PTPRN2: variants seen among roughly 807,000 people sequenced by gnomAD.
The protein encoded by PTPRN2 is protein tyrosine phosphatase receptor type N2, also known as receptor-type tyrosine-protein phosphatase N2.
PTPRN2 carries 74 observed loss-of-function variants against 118.8 expected under a neutral mutation model. That is an observed-to-expected ratio of 0.62 (90% CI 0.52 to 0.76). The LOEUF (loss-of-function observed/expected upper bound fraction) is 0.76, where lower values mean the gene tolerates loss of function less well. Among genes scored for constraint, PTPRN2 ranks in the 30% least tolerant of loss-of-function variants. PTPRN2 has a pLI of 0.00. For synonymous variants in PTPRN2, 641 were observed against 608.0 expected, an observed-to-expected ratio of 1.05 and a Z score of -0.80; for missense variants, 1,481 against 1,394.4, an observed-to-expected ratio of 1.06 and a Z score of -0.99.
intron 13 of PTPRN2, among the ~76,000 whole-genome samples, chr7:157,678,402 A>C (rs555981569): frequency 6.6e-6 from 1 of 152,316 alleles, no homozygotes; most frequent in African/African-American, 2.4e-5. Flanking sequence ...CAATGCCTGA[A>C]GATTAAACTC....
In PTPRN2 at chr7:157,763,086, A is replaced by C; in HGVS notation, c.1789-80149T>G. On this transcript the variant is annotated intron_variant, in intron 12 of 22. Transcript: ENST00000389418. This position sits in a 1 kb window ranked among gnomAD's most constrained non-coding sequence, Gnocchi z 4.9. ...AGCCCACGGCCGCCCACTCATGGTCACAGAGCTAACCATCAGAGCCCACGG... is the reference window on the plus strand; with the variant it reads ...AGCCCACGGCCGCCCACTCATGGTCCCAGAGCTAACCATCAGAGCCCACGG... 7.7e-6 allele frequency among the ~76,000 whole-genome samples: 1 copy of C among 130,372 alleles called. No homozygotes were observed. Among genetic ancestry groups the C allele is most frequent in the Admixed American group, 7.2e-5 (1 of 13,944 alleles). The allele number at this position is 130,372 out of a possible 152,430, so 85.5% of individuals were successfully genotyped here. A position where few individuals can be genotyped will look rare whatever the true frequency, so the allele number is the denominator to read the frequency against.
chr7:157,984,298 G>A (rs1467441954), intron 11 of PTPRN2, among the ~76,000 whole-genome samples: 2 of 64,764 alleles, frequency 3.1e-5, no homozygotes, highest in East Asian at 5.6e-4. Context: ...CCCATCCCAC[G>A]CCAGGCTCCA....
intron 14 of PTPRN2, among the ~76,000 whole-genome samples, chr7:157,648,948 C>T (rs1373736104): frequency 1.5e-5 from 2 of 136,994 alleles, no homozygotes; most frequent in Admixed American, 7.5e-5. Flanking sequence ...TCAGACCCAT[C>T]CAGTGTGCAC....
At chr7:158,036,144 G>A (rs545456476) in intron 11 of PTPRN2, among the ~76,000 whole-genome samples, 3 of 152,172 alleles carry the variant, frequency 2.0e-5, no homozygotes, top group African/African-American at 4.8e-5. Context: ...AATGAATTAG[G>A]GGCATAACAA....
At chr7:158,028,891 G>A (rs986715190) in intron 11 of PTPRN2, 8 of 152,356 alleles carry the variant, frequency 5.3e-5, no homozygotes, top group African/African-American at 9.7e-5. Context: ...CTCTCCTTGC[G>A]GCATTAGGAG....
At chr7:158,125,687 A>G (rs1478238992) in intron 9 of PTPRN2, among the ~76,000 whole-genome samples, 1 of 152,200 alleles carries the variant, frequency 6.6e-6, no homozygotes, top group East Asian at 1.9e-4. Context: ...GTCCGCCCTC[A>G]GGAGGGGCCT....
At chr7:158,073,230 T>C (rs2128923669) in intron 11 of PTPRN2, among the ~76,000 whole-genome samples, 1 of 152,350 alleles carries the variant, frequency 6.6e-6, no homozygotes, top group African/African-American at 2.4e-5. Context: ...GGAACTGATA[T>C]TGGTAGAAGA....
intron 11 of PTPRN2, among the ~76,000 whole-genome samples, chr7:158,040,732 C>A (rs13308843): frequency 0.44 from 62,376 of 141,352 alleles, 14,156 homozygotes; most frequent in Non-Finnish European, 0.51. Flanking sequence ...TTCTTTTTTT[C>A]TTTCTTTTTT....
At chr7:158,002,955 A>T (rs937243298) in intron 11 of PTPRN2, among the ~76,000 whole-genome samples, 12 of 152,124 alleles carry the variant, frequency 7.9e-5, no homozygotes, top group Admixed American at 7.2e-4. Context: ...TTGGCAGCAC[A>T]AGTGGGGGTC....
At chr7:158,154,098 C>A (rs1821473237) in intron 6 of PTPRN2, among the ~76,000 whole-genome samples, 1 of 152,172 alleles carries the variant, frequency 6.6e-6, no homozygotes, top group South Asian at 2.1e-4. Context: ...TGGTCTTGTG[C>A]CAGTGCAGGT....
intron 11 of PTPRN2, among the ~76,000 whole-genome samples, chr7:157,946,601 TCTGTGTAAGGGC>T (rs1257275010): frequency 2.0e-5 from 3 of 152,210 alleles, no homozygotes; most frequent in Non-Finnish European, 4.4e-5. Flanking sequence ...GCCTGGGCCA[TCTGTGTAAGGGC>T]CCTGTGGACT....
At chr7:158,262,198 G>A (rs1337550188) in intron 3 of PTPRN2, among the ~76,000 whole-genome samples, 1 of 152,176 alleles carries the variant, frequency 6.6e-6, no homozygotes, top group African/African-American at 2.4e-5. Context: ...CTTTCCTGAT[G>A]TAAACACAGA....
chr7:157,925,123 A>G (rs199995016), intron 11 of PTPRN2, among the ~76,000 whole-genome samples: 11 of 95,866 alleles, frequency 1.1e-4, no homozygotes, highest in East Asian at 3.2e-4. Flanking sequence ...ATTGAAGTGT[A>G]GTCAGGATGC....
intron 16 of PTPRN2, among the ~76,000 whole-genome samples, chr7:157,602,193 C>A (rs1801707484): frequency 6.6e-6 from 1 of 152,362 alleles, no homozygotes; most frequent in African/African-American, 2.4e-5. Flanking sequence ...AACCTGGGTT[C>A]AGGTGGTGTA....
intron 4 of PTPRN2, among the ~76,000 whole-genome samples, chr7:158,196,462 G>A (rs1259234655): frequency 6.6e-6 from 1 of 152,170 alleles, no homozygotes; most frequent in Non-Finnish European, 1.5e-5. Context: ...CATCTAGGGA[G>A]GTCTGCATCC....
chr7:158,150,520 G>C (rs1209935320), intron 6 of PTPRN2, among the ~76,000 whole-genome samples: 3 of 152,078 alleles, frequency 2.0e-5, no homozygotes, highest in Admixed American at 6.6e-5. Context: ...ACCCAGGTGA[G>C]TCCCAGTATT....
intron 3 of PTPRN2, among the ~76,000 whole-genome samples, chr7:158,312,815 G>A (rs997371134): frequency 4.0e-5 from 6 of 151,124 alleles, no homozygotes; most frequent in Non-Finnish European, 5.9e-5. Flanking sequence ...ACGTGCTCAC[G>A]TGTAGATATC....
chr7:157,791,176 C>T (rs1389686050), intron 12 of PTPRN2, among the ~76,000 whole-genome samples: 4 of 152,204 alleles, frequency 2.6e-5, no homozygotes, highest in African/African-American at 9.6e-5. Context: ...CAAACAAGCT[C>T]TCGCGGAGGG....
chr7:158,505,512 A>C (rs1055490050), intron 1 of PTPRN2, among the ~76,000 whole-genome samples: 1 of 152,250 alleles, frequency 6.6e-6, no homozygotes, highest in African/African-American at 2.4e-5. Context: ...AAATTAATGC[A>C]GGGCTGTCAA....
Sources: gnomAD v4.1 joint callset for allele counts (sites outside exome capture counted in the v4.1 genomes callset) on GRCh38, gnomAD v4.1.1 for gene constraint, Gnocchi (gnomAD v3.1) non-coding constraint, MANE v1.5 for transcripts, NCBI Gene and HGNC (gene_info 2026-07-23, HGNC 2026-07-21) for gene names.